NKAIN3: variants seen among roughly 807,000 people sequenced by gnomAD.
The protein encoded by NKAIN3 is sodium/potassium transporting ATPase interacting 3, also known as sodium/potassium-transporting ATPase subunit beta-1-interacting protein 3.
NKAIN3 carries 25 observed loss-of-function variants against 30.2 expected under a neutral mutation model. That is an observed-to-expected ratio of 0.83 (90% CI 0.60 to 1.16). The LOEUF is 1.16. Ranked by LOEUF, NKAIN3 falls within the 50% of genes most tolerant of loss-of-function variation. The pLI is 0.00. For synonymous variants in NKAIN3, 91 were observed against 89.6 expected, an observed-to-expected ratio of 1.02 and a Z score of -0.09; for missense variants, 225 against 254.1, an observed-to-expected ratio of 0.89 and a Z score of 0.78.
intron 4 of NKAIN3, among the ~76,000 whole-genome samples, chr8:62,766,335 T>C (rs1017146677): frequency 4.6e-5 from 7 of 152,234 alleles, no homozygotes; most frequent in Non-Finnish European, 8.8e-5. Context: ...GAAAATGCTA[T>C]TCGGCTTGCC....
intron 3 of NKAIN3, among the ~76,000 whole-genome samples, chr8:62,733,157 C>G (rs551645752): frequency 1.3e-5 from 2 of 152,270 alleles, no homozygotes; most frequent in East Asian, 3.9e-4. Flanking sequence ...ATCATTACTG[C>G]TACCCTCCAC....
chr8:62,864,017 G>T lies in NKAIN3; in HGVS notation c.472-54436G>T, dbSNP rs116177189. On this transcript the variant is annotated intron_variant, in intron 4 of 6. Transcript: ENST00000623646. Reference sequence around the variant, plus strand: ...TTCTGTTGAGGCTCCAGCTTTGTAGGGTGTTTCTCTCTTTTCGGCCTCCGC... The same window carrying T: ...TTCTGTTGAGGCTCCAGCTTTGTAGTGTGTTTCTCTCTTTTCGGCCTCCGC... The T allele has an allele frequency of 7.7e-4, 559 of 722,958 alleles. 2 individuals carry two copies. In the African/African-American group the frequency reaches 8.1e-3, roughly 10 times the overall value. The allele number at this position is 722,958 out of a possible 1,614,324, so 44.8% of individuals were successfully genotyped here. A position where few individuals can be genotyped will look rare whatever the true frequency, so the allele number is the denominator to read the frequency against.
intron 4 of NKAIN3, among the ~76,000 whole-genome samples, chr8:62,824,872 G>C (rs1818971007): frequency 6.6e-6 from 1 of 152,120 alleles, no homozygotes; most frequent in Admixed American, 6.6e-5. Flanking sequence ...TTCTCCTGGA[G>C]GTGTCATGTC....
chr8:62,881,536 A>AATAGG (rs1359172406), intron 4 of NKAIN3, among the ~76,000 whole-genome samples: 2 of 152,208 alleles, frequency 1.3e-5, no homozygotes, highest in African/African-American at 4.8e-5. Context: ...CACATCGCTC[A>AATAGG]ATAGGATAGA....
At chr8:62,899,046 G>A (rs1007025125) in intron 4 of NKAIN3, among the ~76,000 whole-genome samples, 15 of 152,158 alleles carry the variant, frequency 9.9e-5, no homozygotes, top group Admixed American at 7.9e-4. Context: ...TCTCAATCCA[G>A]TTAAAATGGC....
chr8:62,550,128 C>T (rs954049926), intron 1 of NKAIN3, among the ~76,000 whole-genome samples: 2 of 152,040 alleles, frequency 1.3e-5, no homozygotes, highest in Non-Finnish European at 2.9e-5. Context: ...AATCATGTAG[C>T]TATGTTAAGA....
intron 3 of NKAIN3, among the ~76,000 whole-genome samples, chr8:62,645,574 A>G (rs1199739672): frequency 2.0e-5 from 3 of 152,186 alleles, no homozygotes; most frequent in Non-Finnish European, 4.4e-5. Context: ...TTCCCCTTTT[A>G]AAATCAGATA....
intron 4 of NKAIN3, chr8:62,855,995 C>T (rs1820049259): frequency 1.5e-6 from 1 of 687,294 alleles, no homozygotes; most frequent in Admixed American, 2.1e-5. Flanking sequence ...TCACCAGCAA[C>T]TCCTCAGGGC....
At position 62,408,209 on chromosome 8, in the gene NKAIN3, A is replaced by G. The variant is rs117091588; in HGVS notation, c.54+159082A>G. 9.1e-3 allele frequency among the ~76,000 whole-genome samples: 1,384 copies of G among 152,314 alleles called. 12 individuals carry two copies. Among genetic ancestry groups the G allele is most frequent in the Non-Finnish European group, 0.016 (1,074 of 68,022 alleles). ...GAATACAGCTCTACTTATTCATCAC[A>G]TTACTTATCACAGTAGATTTTAAGT... On this transcript the variant is annotated intron_variant, in intron 1 of 6. Transcript: ENST00000623646.
chr8:62,608,403 G>A (rs1349370757), intron 3 of NKAIN3, among the ~76,000 whole-genome samples: 2 of 152,016 alleles, frequency 1.3e-5, no homozygotes, highest in African/African-American at 2.4e-5. Context: ...ATGTTTGTGG[G>A]GCTTTCTCAA....
intron 1 of NKAIN3, among the ~76,000 whole-genome samples, chr8:62,343,071 C>T (rs987520986): frequency 3.9e-5 from 6 of 151,952 alleles, no homozygotes; most frequent in Non-Finnish European, 8.8e-5. Flanking sequence ...ATTATTATTG[C>T]AGACTAAAAC....
In NKAIN3 at chr8:62,967,274, G is replaced by T. The variant is rs1197248851; in HGVS notation, c.*1867G>T. ...ACAGAGAACATGGGAGCAAAAGTTG[G>T]GGTTTGGGTCCCATCCACCACCATG... On this transcript the variant is annotated 3_prime_UTR_variant, in exon 7 of 7. Transcript: ENST00000623646. Among the ~76,000 whole-genome samples, 1 of 152,128 alleles carries T rather than the reference G, an allele frequency of 6.6e-6. No individual in the cohort carries two copies. The highest frequency in any genetic ancestry group is 1.5e-5 in the Non-Finnish European group (1 of 68,022).
rs956788246 is a variant in NKAIN3 at position 62,966,866 on chromosome 8, A to G, written c.*1459A>G. Among the ~76,000 whole-genome samples, 1 of 152,192 alleles carries G rather than the reference A, an allele frequency of 6.6e-6. No individual in the cohort carries two copies. Among genetic ancestry groups the G allele is most frequent in the African/African-American group, 2.4e-5 (1 of 41,448 alleles). On this transcript the variant is annotated 3_prime_UTR_variant, in exon 7 of 7. Transcript: ENST00000623646. ...ACCTAAAACTGTTACAAATATTTGT[A>G]TGTGTGTGAAAGTCTTTTTTCTTCT...
chr8:62,688,737 GACAGACAC>G (rs1420438053), intron 3 of NKAIN3, among the ~76,000 whole-genome samples: 199 of 146,530 alleles, frequency 1.4e-3, no homozygotes, highest in Middle Eastern at 6.9e-3. Context: ...CAGACAGACA[GACAGACAC>G]ACACACACAC....
intron 5 of NKAIN3, among the ~76,000 whole-genome samples, chr8:62,937,490 A>G (rs189753270): frequency 1.3e-5 from 2 of 152,240 alleles, no homozygotes; most frequent in Admixed American, 1.3e-4. Context: ...GAAATATAAA[A>G]GTAGAAGCAG....
intron 1 of NKAIN3, among the ~76,000 whole-genome samples, chr8:62,412,444 A>T (rs1388721665): frequency 6.6e-6 from 1 of 152,172 alleles, no homozygotes; most frequent in Non-Finnish European, 1.5e-5. Context: ...CTCGAAATGG[A>T]TCAAATATTT....
intron 3 of NKAIN3, among the ~76,000 whole-genome samples, chr8:62,709,057 T>C (rs927362664): frequency 2.6e-5 from 4 of 152,222 alleles, no homozygotes; most frequent in African/African-American, 9.6e-5. Flanking sequence ...CATCCCTGCA[T>C]CCCTGGTGTG....
chr8:62,930,956 C>T (rs1038558507), intron 5 of NKAIN3, among the ~76,000 whole-genome samples: 1 of 152,168 alleles, frequency 6.6e-6, no homozygotes, highest in African/African-American at 2.4e-5. Context: ...ATCCTCCCAC[C>T]TTGGCCTCCC....
At chr8:62,821,371 A>G (rs1818843170) in intron 4 of NKAIN3, among the ~76,000 whole-genome samples, 2 of 152,148 alleles carry the variant, frequency 1.3e-5, no homozygotes, top group Admixed American at 1.3e-4. Flanking sequence ...TTTATACTCA[A>G]ACACTTAAAT....
Sources: gnomAD v4.1 joint callset for allele counts (sites outside exome capture counted in the v4.1 genomes callset) on GRCh38, gnomAD v4.1.1 for gene constraint, MANE v1.5 for transcripts, NCBI Gene and HGNC (gene_info 2026-07-23, HGNC 2026-07-21) for gene names.